SET: variants seen among roughly 807,000 people sequenced by gnomAD.
The protein encoded by SET is SET nuclear proto-oncogene.
In SET, 4 loss-of-function variants were observed where a neutral mutation model predicts 39.0. That is an observed-to-expected ratio of 0.10 (90% CI 0.05 to 0.23). The LOEUF is 0.23. SET is among the 10% of genes least tolerant of loss of function. The pLI, the probability that SET is intolerant of heterozygous loss-of-function variation, is 1.00. For synonymous variants in SET, 114 were observed against 115.9 expected, an observed-to-expected ratio of 0.98 and a Z score of 0.11; for missense variants, 137 against 329.7, an observed-to-expected ratio of 0.42 and a Z score of 4.53.
Position 128,695,967 on chromosome 9 carries a change from A to G in SET, c.*1303A>G. 1 of 226,220 alleles carries G rather than the reference A, an allele frequency of 4.4e-6. No homozygotes were observed. Among genetic ancestry groups the G allele is most frequent in the South Asian group, 1.8e-4 (1 of 5,476 alleles). 14.0% of individuals were successfully genotyped at this position (226,220 alleles called of 1,614,324 possible). ...GGCATGTCTTCATTGGCTATATAAA[A>G]TGTGGCCAAGAAGATAGGCTCTCAG... On this transcript the variant is annotated 3_prime_UTR_variant, in exon 8 of 8. Transcript: ENST00000322030.
At chr9:128,694,131 G>A in intron 7 of SET, 89 bp downstream of exon 7, 1 of 1,103,112 alleles carries the variant, frequency 9.1e-7, no homozygotes, top group Non-Finnish European at 1.2e-6. Context: ...TAGTGTGGTA[G>A]AACTGACCAG....
rs553740369 is a variant in SET at position 128,692,067 on chromosome 9, A to G, written c.274+67A>G. 3.2e-6 allele frequency: 5 copies of G among 1,576,200 alleles called. No homozygotes were observed. The East Asian group carries it at 1.1e-4, about 35-fold the overall frequency. On this transcript the variant is annotated intron_variant, in intron 3 of 7. Transcript: ENST00000322030. ...TGTTAGAATGGAGGAAGCTTGGTGA[A>G]GACTTAGTCCAGCATGCTGGGTTGC...
upstream of SET, among the ~76,000 whole-genome samples, chr9:128,685,738 A>G (rs1482802275): frequency 6.6e-6 from 1 of 152,120 alleles, no homozygotes; most frequent in African/African-American, 2.4e-5. Context: ...GTCCTCTTCA[A>G]AGGGAGCCGG....
chr9:128,694,297 C>T (rs1307193929), intron 7 of SET, among the ~76,000 whole-genome samples: 2 of 151,838 alleles, frequency 1.3e-5, no homozygotes, highest in African/African-American at 4.8e-5. Flanking sequence ...TTTTCCCTAG[C>T]CAGTACTTAG....
chr9:128,689,043 G>A (rs1861388962), upstream of SET, among the ~76,000 whole-genome samples: 1 of 150,418 alleles, frequency 6.6e-6, no homozygotes, highest in South Asian at 2.1e-4. Context: ...GACGCGGCGC[G>A]GGGGGCGGCC....
rs1564357946 is a variant in SET, at chr9:128,689,241, T to TGGAGGAGGAGGC, written c.-339_-328dup. The TGGAGGAGGAGGC allele has an allele frequency of 7.0e-6, 7 of 997,732 alleles. No individual in the cohort carries two copies. The highest frequency in any genetic ancestry group is 8.4e-6 in the Non-Finnish European group (7 of 838,208). The allele number at this position is 997,732 out of a possible 1,614,324, so 61.8% of individuals were successfully genotyped here. A position where few individuals can be genotyped will look rare whatever the true frequency, so the allele number is the denominator to read the frequency against. ...GCCCGCCCCTCGCCGTAGGAGGAGG[T>TGGAGGAGGAGGC]GGAGGAGGAGGCGGCTCGGGAGAGC... is the stretch of plus-strand genomic sequence containing the variant. On this transcript the variant is annotated 5_prime_UTR_variant, in exon 1 of 8. Coordinates refer to ENST00000322030, the MANE Select transcript of SET (RefSeq NM_003011.4).
exon 1 of SET, chr9:128,683,996 C>T: frequency 1.3e-6 from 2 of 1,551,704 alleles, no homozygotes; most frequent in Non-Finnish European, 1.7e-6. Context: ...GCAGGCTTGC[C>T]GAAGAAGGGA....
chr9:128,683,909 G>A (rs988578769), exon 1 of SET: 17 of 1,552,332 alleles, frequency 1.1e-5, no homozygotes, highest in Admixed American at 2.0e-5. Context: ...GCCCCTAAAC[G>A]CCAGTCTCCA....
Position 128,694,692 on chromosome 9 carries a change from CT to C in SET, c.*35del. The C allele has an allele frequency of 2.2e-5, 30 of 1,393,458 alleles. No individual in the cohort carries two copies. Among genetic ancestry groups the C allele is most frequent in the East Asian group, 5.0e-5 (2 of 39,728 alleles). 86.3% of individuals were successfully genotyped at this position (1,393,458 alleles called of 1,614,324 possible). On this transcript the variant is annotated 3_prime_UTR_variant, in exon 8 of 8. Transcript: ENST00000322030. ...AGAACACTGATGGATTCCAACCTTC[CT>C]TTTTTTAAATTTTCTCCAGTCCCTG...
intron 7 of SET, 68 bp from the exon 8 acceptor site, chr9:128,694,573 A>C: frequency 9.0e-7 from 1 of 1,109,344 alleles, no homozygotes; most frequent in Non-Finnish European, 1.3e-6. Context: ...CGTGGGGTCC[A>C]TTGTGGTCCA....
At position 128,695,656 on chromosome 9, in the gene SET, A is replaced by T. The variant is rs1861709397; in HGVS notation, c.*992A>T. 1 of 225,624 alleles carries T rather than the reference A, an allele frequency of 4.4e-6. No homozygotes were observed. Among genetic ancestry groups the T allele is most frequent in the South Asian group, 1.8e-4 (1 of 5,456 alleles). 14.0% of individuals were successfully genotyped at this position (225,624 alleles called of 1,614,324 possible). The stretch of plus-strand genomic sequence containing the variant: ...TATTTTTTGATACGCACTTTGCAGG[A>T]TGACCTCAGGGCTATGTGGATTGAG... On this transcript the variant is annotated 3_prime_UTR_variant, in exon 8 of 8. Coordinates refer to ENST00000322030, the MANE Select transcript of SET (RefSeq NM_003011.4).
Position 128,695,622 on chromosome 9 carries a change from C to G in SET, c.*958C>G, listed in dbSNP as rs1861707719. 1 of 225,104 alleles carries G rather than the reference C, an allele frequency of 4.4e-6. No homozygotes were observed. The highest frequency in any genetic ancestry group is 5.7e-5 in the Admixed American group (1 of 17,586). 13.9% of individuals were successfully genotyped at this position (225,104 alleles called of 1,614,324 possible). ...AACATCACTGTCAAACTTTGTCACC[C>G]TAACTTCGTATTTTTTGATACGCAC... On this transcript the variant is annotated 3_prime_UTR_variant, in exon 8 of 8. Transcript: ENST00000322030.
At position 128,693,654 on chromosome 9, in the gene SET, C is replaced by G. The variant is rs142648600; in HGVS notation, c.509C>G (p.Ser170Trp). The G allele has an allele frequency of 1.2e-6, 2 of 1,611,584 alleles. No individual in the cohort carries two copies. The highest frequency in any genetic ancestry group is 1.7e-6 in the Non-Finnish European group (2 of 1,179,130). Reference sequence around the variant, plus strand: ...TTCATTTAGGATTTGACGAAACGTTCGAGTCAAACGCAGAATAAAGCCAGC... The same window carrying G: ...TTCATTTAGGATTTGACGAAACGTTGGAGTCAAACGCAGAATAAAGCCAGC... ...WKSGKDLTKR[S>W]SQTQNKASRK... The change falls in exon 6 of 8, where the codon TCG becomes TGG. Residue 170 changes from serine (S) to tryptophan (W), a missense_variant. By Grantham distance (177) the Ser-to-Trp change is radical. Coordinates refer to ENST00000322030, the MANE Select transcript of SET (RefSeq NM_003011.4).
upstream of SET, chr9:128,685,253 A>G (rs1400084970): frequency 1.3e-6 from 2 of 1,502,518 alleles, no homozygotes; most frequent in East Asian, 2.3e-5. Context: ...TTTCTCTTCT[A>G]TAAAATGGGA....
upstream of SET, chr9:128,689,153 G>T (rs1861394485): frequency 5.6e-6 from 3 of 533,554 alleles, no homozygotes; most frequent in Non-Finnish European, 7.2e-6. Context: ...ATGGCGCCGC[G>T]GCGCGAGCCT....
intron 3 of SET, 189 bp from the exon 4 acceptor site, chr9:128,692,473 A>G (rs1442658562): frequency 1.7e-5 from 8 of 461,746 alleles, no homozygotes; most frequent in Admixed American, 3.8e-5. Context: ...TCTGTTTAGG[A>G]GAAGCTATAT....
At chr9:128,688,007 A>G (rs888759609), upstream of SET, among the ~76,000 whole-genome samples, 2 of 152,188 alleles carry the variant, frequency 1.3e-5, no homozygotes, top group African/African-American at 4.8e-5. Flanking sequence ...ACCCCAGGTC[A>G]GTAGACCAGC....
upstream of SET, among the ~76,000 whole-genome samples, chr9:128,688,644 G>C (rs528052474): frequency 2.6e-5 from 4 of 152,312 alleles, no homozygotes; most frequent in South Asian, 6.2e-4. Flanking sequence ...CTTGCTCAAG[G>C]GTACAAGCTT....
At chr9:128,686,015 A>G (rs1439591916), upstream of SET, among the ~76,000 whole-genome samples, 1 of 151,394 alleles carries the variant, frequency 6.6e-6, no homozygotes, top group East Asian at 2.0e-4. Context: ...CGACAAGAAC[A>G]ACAACAACAA....
Sources: gnomAD v4.1 joint callset for allele counts (sites outside exome capture counted in the v4.1 genomes callset) on GRCh38, gnomAD v4.1.1 for gene constraint, MANE v1.5 for transcripts, NCBI Gene and HGNC (gene_info 2026-07-23, HGNC 2026-07-21) for gene names.